The following ZSWIM8 variants were observed in gnomAD, a reference collection of about 807,000 sequenced individuals.
The protein encoded by ZSWIM8 is zinc finger SWIM domain-containing protein 8.
In ZSWIM8, 27 loss-of-function variants were observed where a neutral mutation model predicts 173.7. That is an observed-to-expected ratio of 0.16 (90% CI 0.11 to 0.21). ZSWIM8 has a LOEUF of 0.21. Among genes scored for constraint, ZSWIM8 ranks in the 10% least tolerant of loss-of-function variants. The probability of loss-of-function intolerance (pLI) is 1.00; values close to 1 mark genes in which losing one functional copy is unlikely to be tolerated. For synonymous variants in ZSWIM8, 958 were observed against 962.0 expected, an observed-to-expected ratio of 1.00 and a Z score of 0.08; for missense variants, 1,627 against 2,428.8, an observed-to-expected ratio of 0.67 and a Z score of 6.94.
chr10:73,792,927 AGT>A lies in ZSWIM8; in HGVS notation c.2313+78_2313+79del. The A allele has an allele frequency of 2.0e-6, 3 of 1,479,418 alleles. No homozygotes were observed. Among genetic ancestry groups the A allele is most frequent in the Non-Finnish European group, 2.7e-6 (3 of 1,115,378 alleles). The allele number at this position is 1,479,418 out of a possible 1,614,324, so 91.6% of individuals were successfully genotyped here. ...GAGGGGCTATCTAGCTCTAGTTGGGAGTGTCAGGACCATCAGCAGGATTGTGA... is the reference window on the plus strand; with the variant it reads ...GAGGGGCTATCTAGCTCTAGTTGGGAGTCAGGACCATCAGCAGGATTGTGA... On this transcript the variant is annotated intron_variant, in intron 10 of 25. Coordinates refer to ENST00000604729, the MANE Select transcript of ZSWIM8 (RefSeq NM_001367799.1). The surrounding 1 kb of genome is among the most constrained non-coding windows in gnomAD (Gnocchi z 4.3).
chr10:73,794,841 G>A (rs1015070162), intron 14 of ZSWIM8: 13 of 431,846 alleles, frequency 3.0e-5, no homozygotes, highest in African/African-American at 1.0e-4. Flanking sequence ...TAATCGCAGC[G>A]CTTTGGGAGG....
At chr10:73,788,557 TC>T in intron 1 of ZSWIM8, 112 bp from the exon 2 acceptor site, 1 of 1,322,954 alleles carries the variant, frequency 7.6e-7, no homozygotes, top group Non-Finnish European at 1.0e-6. Flanking sequence ...GTCTCTTCTT[TC>T]TTTCATAGTG....
At chr10:73,790,440 G>A (rs748705637) in intron 7 of ZSWIM8, 148 bp downstream of exon 7, 8 of 1,185,470 alleles carry the variant, frequency 6.7e-6, no homozygotes, top group African/African-American at 4.6e-5. Context: ...TGTCACTAAC[G>A]AATTGATGGA....
rs1222712813 is a variant in ZSWIM8 at position 73,790,209 on chromosome 10, T to C, written c.858T>C (p.Thr286=). The C allele has an allele frequency of 1.2e-6, 2 of 1,613,606 alleles. No homozygotes were observed. Among genetic ancestry groups the C allele is most frequent in the Non-Finnish European group, 1.7e-6 (2 of 1,179,758 alleles). The change falls in exon 7 of 26, where the codon ACT becomes ACC. Residue 286 remains threonine (T), a synonymous_variant. Coordinates refer to ENST00000604729, the MANE Select transcript of ZSWIM8 (RefSeq NM_001367799.1). ...TAGPSASDQS[T]WYLDESTLTD... is the part of the protein sequence containing the mutation. ...GGCCCTCAGCATCGGACCAGAGTAC[T>C]TGGTATCTGGATGAATCGACACTCA...
At chr10:73,799,623 C>T in intron 21 of ZSWIM8, 133 bp downstream of exon 21, 2 of 1,267,460 alleles carry the variant, frequency 1.6e-6, no homozygotes, top group Non-Finnish European at 2.2e-6. Context: ...TCTGGGGGAC[C>T]CAGCCCAACT....
At position 73,791,205 on chromosome 10, in the gene ZSWIM8, G is replaced by A. The variant is rs761672998; in HGVS notation, c.1143+29G>A. The A allele has an allele frequency of 3.8e-6, 6 of 1,574,534 alleles. No individual in the cohort carries two copies. In the East Asian group the frequency reaches 1.4e-4, roughly 36 times the overall value. ...ATCACTCAGCGTTGGGGAGCCCCGT[G>A]GTAGCTCATTCTTTCCCTCCCCCTG... is the stretch of plus-strand genomic sequence containing the variant. On this transcript the variant is annotated intron_variant, in intron 8 of 25. Coordinates refer to ENST00000604729, the MANE Select transcript of ZSWIM8 (RefSeq NM_001367799.1). This position sits in a 1 kb window ranked among gnomAD's most constrained non-coding sequence, Gnocchi z 6.0.
chr10:73,799,350 G>A lies in ZSWIM8; in HGVS notation c.4525G>A (p.Gly1509Ser), dbSNP rs1310192029. 11 of 1,611,316 alleles carry A rather than the reference G, an allele frequency of 6.8e-6. No homozygotes were observed. The highest frequency in any genetic ancestry group is 9.3e-6 in the Non-Finnish European group (11 of 1,178,926). ...GPGLGHGHSP[G>S]LHPYTALQPH... ...AGGACTGGGGCATGGCCACTCCCCT[G>A]GCCTGCACCCCTACACTGCTCTACA... Residue 1509 changes from glycine to serine, a missense_variant, in exon 21 of 26, where the codon GGC becomes AGC. Physicochemically the swap from Gly to Ser is moderately conservative, Grantham distance 56. This residue lies in a region of ZSWIM8 where 275 missense variants were observed against 290.1 expected (regional missense o/e 0.95). Coordinates refer to ENST00000604729, the MANE Select transcript of ZSWIM8 (RefSeq NM_001367799.1).
rs2083963435 is a variant in ZSWIM8, at chr10:73,801,544, C to A, written c.*25C>A. ...AGTCTTTCACCCTTAGGGTCCTATACAGGGACCCAGGCCTGTGGCTATGGG... is the reference window on the plus strand; with the variant it reads ...AGTCTTTCACCCTTAGGGTCCTATAAAGGGACCCAGGCCTGTGGCTATGGG... On this transcript the variant is annotated 3_prime_UTR_variant, in exon 26 of 26. Transcript: ENST00000604729. This position sits in a 1 kb window ranked among gnomAD's most constrained non-coding sequence, Gnocchi z 4.9. 4.3e-6 allele frequency: 7 copies of A among 1,611,130 alleles called. No individual in the cohort carries two copies. The highest frequency in any genetic ancestry group is 5.9e-6 in the Non-Finnish European group (7 of 1,178,954).
intron 20 of ZSWIM8, 98 bp downstream of exon 20, chr10:73,798,551 T>C: frequency 8.9e-7 from 1 of 1,121,502 alleles, no homozygotes; most frequent in East Asian, 2.6e-5. Context: ...TCCCGTATCC[T>C]GGAGTTTACA....
At chr10:73,786,113 G>A (rs2083207677) in intron 1 of ZSWIM8, 27 bp downstream of exon 1, 3 of 1,526,770 alleles carry the variant, frequency 2.0e-6, no homozygotes, top group Non-Finnish European at 2.6e-6. Flanking sequence ...GGGAAGAGGA[G>A]CGGCAGGCCC....
intron 14 of ZSWIM8, 126 bp downstream of exon 14, chr10:73,794,765 G>A: frequency 3.6e-6 from 3 of 843,516 alleles, no homozygotes; most frequent in Non-Finnish European, 5.5e-6. Flanking sequence ...GCCAACTAGT[G>A]CCTGTAAGAC....
chr10:73,796,717 G>A, intron 15 of ZSWIM8, 57 bp from the exon 16 acceptor site: 2 of 1,594,914 alleles, frequency 1.3e-6, no homozygotes. Flanking sequence ...ATAGAAGTCA[G>A]GAGCTAAAGG....
chr10:73,797,670 A>T lies in ZSWIM8; in HGVS notation c.3662+65A>T. On this transcript the variant is annotated intron_variant, in intron 18 of 25. Transcript: ENST00000604729. The surrounding 1 kb of genome is among the most constrained non-coding windows in gnomAD (Gnocchi z 5.6). ...ACCCTCAGAGCCACACCCCTAGTGC[A>T]ATCCAACCATTGTCTCCCAGCATCC... The T allele has an allele frequency of 4.4e-6, 7 of 1,580,696 alleles. No homozygotes were observed. The highest frequency in any genetic ancestry group is 6.0e-6 in the Non-Finnish European group (7 of 1,159,012).
chr10:73,799,509 T>TGG lies in ZSWIM8; in HGVS notation c.4665+24_4665+25dup, dbSNP rs762465118. 1 of 1,591,268 alleles carries TGG rather than the reference T, an allele frequency of 6.3e-7. No individual in the cohort carries two copies. Among genetic ancestry groups the TGG allele is most frequent in the South Asian group, 1.1e-5 (1 of 87,804 alleles). ...CCCACAGGTGAGACCAGTGTTCTGC[T>TGG]GGGGGGTAAGGCATGGGAAAATACT... On this transcript the variant is annotated intron_variant, in intron 21 of 25. Coordinates refer to ENST00000604729, the MANE Select transcript of ZSWIM8 (RefSeq NM_001367799.1).
rs757627108 is a variant in ZSWIM8 at position 73,801,276 on chromosome 10, G to A, written c.5302-40G>A. 3.1e-6 allele frequency: 5 copies of A among 1,608,490 alleles called. No homozygotes were observed. The Admixed American group carries it at 6.7e-5, about 22-fold the overall frequency. On this transcript the variant is annotated intron_variant, in intron 25 of 25. Transcript: ENST00000604729. This position sits in a 1 kb window ranked among gnomAD's most constrained non-coding sequence, Gnocchi z 4.9. ...AGAGGGAGGCAGGGCCTGTTTCTGTGCTTTGTACTAAGGCTCATCCTGCAC... is the reference window on the plus strand; with the variant it reads ...AGAGGGAGGCAGGGCCTGTTTCTGTACTTTGTACTAAGGCTCATCCTGCAC...
At position 73,800,786 on chromosome 10, in the gene ZSWIM8, T is replaced by A. The variant is rs2132829594; in HGVS notation, c.5122+27T>A. The A allele has an allele frequency of 6.6e-7, 1 of 1,515,670 alleles. No individual in the cohort carries two copies. Among genetic ancestry groups the A allele is most frequent in the Non-Finnish European group, 9.0e-7 (1 of 1,111,836 alleles). 93.9% of individuals were successfully genotyped at this position (1,515,670 alleles called of 1,614,324 possible). Reference sequence around the variant, plus strand: ...TAACACCTCCCCTCCCTAGGACCATTGCCCCCCCCCCACCTGCTCTCCCCA... The same window carrying A: ...TAACACCTCCCCTCCCTAGGACCATAGCCCCCCCCCCACCTGCTCTCCCCA... On this transcript the variant is annotated intron_variant, in intron 24 of 25. Coordinates refer to ENST00000604729, the MANE Select transcript of ZSWIM8 (RefSeq NM_001367799.1). This position sits in a 1 kb window ranked among gnomAD's most constrained non-coding sequence, Gnocchi z 4.1.
rs750780071 is a variant in ZSWIM8, at chr10:73,801,394, G to A, written c.5380G>A (p.Ala1794Thr). 3.1e-6 allele frequency: 5 copies of A among 1,613,946 alleles called. No individual in the cohort carries two copies. Among genetic ancestry groups the A allele is most frequent in the African/African-American group, 1.3e-5 (1 of 75,024 alleles). The stretch of plus-strand genomic sequence containing the variant: ...GAATGCGATCCGGAGTGCCCGCAGC[G>A]CCTTCTGCCTGACGCCCATGGGCAT... ...FVNAIRSARS[A>T]FCLTPMGMMQ... The change falls in exon 26 of 26, where the codon GCC becomes ACC. Residue 1794 changes from alanine to threonine, a missense_variant. Physicochemically the swap from Ala to Thr is moderately conservative, Grantham distance 58. Around this residue, in one of 18 missense-constraint regions of ZSWIM8, gnomAD observed 122 missense variants for 196.1 expected, o/e 0.62. Transcript: ENST00000604729. The surrounding 1 kb of genome is among the most constrained non-coding windows in gnomAD (Gnocchi z 4.9).
chr10:73,799,408 C>T lies in ZSWIM8; in HGVS notation c.4583C>T (p.Thr1528Ile). The T allele has an allele frequency of 6.2e-7, 1 of 1,610,554 alleles. No individual in the cohort carries two copies. The highest frequency in any genetic ancestry group is 1.1e-5 in the South Asian group (1 of 90,150). ...PHLPCSPQYL[T>I]HPAHPAHPMP... ...CTGCCCTGTAGCCCTCAGTATCTCA[C>T]TCACCCAGCTCACCCTGCCCACCCC... The change falls in exon 21 of 26, where the codon ACT (threonine) becomes ATT (isoleucine). Residue 1528 changes from threonine (T) to isoleucine (I), a missense_variant. Physicochemically the swap from Thr to Ile is moderately conservative, Grantham distance 89. Transcript: ENST00000604729.
chr10:73,800,545 C>G lies in ZSWIM8; in HGVS notation c.5002+73C>G. On this transcript the variant is annotated intron_variant, in intron 23 of 25. Coordinates refer to ENST00000604729, the MANE Select transcript of ZSWIM8 (RefSeq NM_001367799.1). The surrounding 1 kb of genome is among the most constrained non-coding windows in gnomAD (Gnocchi z 4.1). ...GCTCTTCAGAGGACCCTTCCTCTAGCTCTTCATTTGTTTACTGTGGGGTCA... is the reference window on the plus strand; with the variant it reads ...GCTCTTCAGAGGACCCTTCCTCTAGGTCTTCATTTGTTTACTGTGGGGTCA... The G allele has an allele frequency of 1.2e-6, 2 of 1,602,560 alleles. No homozygotes were observed. The highest frequency in any genetic ancestry group is 2.2e-5 in the East Asian group (1 of 44,812).
Sources: allele counts gnomAD v4.1 joint callset, GRCh38; gene constraint gnomAD v4.1.1; regional missense constraint gnomAD v4.1.1; non-coding constraint Gnocchi (gnomAD v3.1); transcripts MANE v1.5; gene names NCBI Gene and HGNC (gene_info 2026-07-23, HGNC 2026-07-21).